DIP2C: variants seen among roughly 807,000 people sequenced by gnomAD.
DIP2C encodes the protein disco-interacting protein 2 homolog C.
In DIP2C, 33 loss-of-function variants were observed where a neutral mutation model predicts 192.4. The ratio of observed to expected loss-of-function variants is 0.17; its 90% CI spans 0.13 to 0.23. The LOEUF (loss-of-function observed/expected upper bound fraction) is 0.23, where lower values mean the gene tolerates loss of function less well. Ranked by LOEUF, DIP2C falls within the 10% of genes least tolerant of loss-of-function variation. The pLI is 1.00. For synonymous variants in DIP2C, 979 were observed against 864.1 expected, an observed-to-expected ratio of 1.13 and a Z score of -2.33; for missense variants, 1,537 against 2,110.1, an observed-to-expected ratio of 0.73 and a Z score of 5.32.
intron 6 of DIP2C, among the ~76,000 whole-genome samples, 194 bp downstream of exon 6, chr10:418,871 G>C (rs569909988): frequency 6.6e-6 from 1 of 152,212 alleles, no homozygotes; most frequent in Non-Finnish European, 1.5e-5. Context: ...AGGAATAACT[G>C]TGGGCTCACT....
Position 440,964 on chromosome 10 carries a change from C to T in DIP2C, c.301G>A (p.Ala101Thr). 1 of 1,613,582 alleles carries T rather than the reference C, an allele frequency of 6.2e-7. No individual in the cohort carries two copies. Among genetic ancestry groups the T allele is most frequent in the Non-Finnish European group, 8.5e-7 (1 of 1,179,986 alleles). ...GCCATCTTCCGCTCTTTGTGTTTGG[C>T]CAGAGCCGCCTGGACAGCTTCCGTG... is the stretch of plus-strand genomic sequence containing the variant. Reference protein sequence around the residue: ...VHTEAVQAALAKHKERKMAVP... With the variant: ...VHTEAVQAALTKHKERKMAVP... The change falls in exon 4 of 37, where the codon GCC (alanine) becomes ACC (threonine). Residue 101 changes from alanine (A) to threonine (T), a missense_variant. By Grantham distance (58) the Ala-to-Thr change is moderately conservative (BLOSUM62 0). Around this residue, in one of 4 missense-constraint regions of DIP2C, gnomAD observed 473 missense variants for 539.6 expected, o/e 0.88. Coordinates refer to ENST00000280886, the MANE Select transcript of DIP2C (RefSeq NM_014974.3).
At chr10:549,815 T>TA (rs1848494717) in intron 1 of DIP2C, among the ~76,000 whole-genome samples, 2 of 152,106 alleles carry the variant, frequency 1.3e-5, no homozygotes, top group Non-Finnish European at 2.9e-5. Flanking sequence ...CACTAGTCAC[T>TA]AATTCACATA....
In DIP2C at chr10:413,963, C is replaced by T; in HGVS notation, c.1007G>A (p.Cys336Tyr). The T allele has an allele frequency of 6.2e-7, 1 of 1,614,200 alleles. No homozygotes were observed. Among genetic ancestry groups the T allele is most frequent in the South Asian group, 1.1e-5 (1 of 91,086 alleles). ...CCCGTTGGTGTCCATGGTGGTCAGG[C>T]AGGGCGCCTTGGGCGAGATGGTGCC... ...RWGTISPKAP[C>Y]LTTMDTNGKP... Residue 336 changes from cysteine (C) to tyrosine (Y), a missense_variant, in exon 8 of 37, where the codon TGC becomes TAC. This residue lies in a region of DIP2C where 473 missense variants were observed against 539.6 expected (regional missense o/e 0.88). Coordinates refer to ENST00000280886, the MANE Select transcript of DIP2C (RefSeq NM_014974.3).
chr10:550,821 G>T (rs553264872), intron 1 of DIP2C, among the ~76,000 whole-genome samples: 1 of 152,366 alleles, frequency 6.6e-6, no homozygotes, highest in African/African-American at 2.4e-5. Context: ...AGCAAGAAGA[G>T]GGATGCTCCA....
intron 10 of DIP2C, among the ~76,000 whole-genome samples, chr10:393,039 G>T (rs138902405): frequency 6.6e-6 from 1 of 152,208 alleles, no homozygotes; most frequent in Non-Finnish European, 1.5e-5. Flanking sequence ...GCTGCACCTG[G>T]ACTAGTGGCT....
intron 17 of DIP2C, among the ~76,000 whole-genome samples, chr10:371,034 C>T (rs930820094): frequency 1.3e-5 from 2 of 152,158 alleles, no homozygotes; most frequent in African/African-American, 2.4e-5. Context: ...CTAGATAGGG[C>T]GAGCTCAGAT....
Position 308,823 on chromosome 10 carries a change from C to T in DIP2C, c.3986+1208G>A, listed in dbSNP as rs560059033. On this transcript the variant is annotated intron_variant, in intron 32 of 36. Coordinates refer to ENST00000280886, the MANE Select transcript of DIP2C (RefSeq NM_014974.3). ...AGCCACAGGGCCAGGCATGCATCTA[C>T]GAGTGTGAACCGTCAGGGCGGGCGT... Among the ~76,000 whole-genome samples the T allele has an allele frequency of 7.2e-5, 11 of 152,340 alleles. No individual in the cohort carries two copies. In the East Asian group the frequency reaches 7.7e-4, roughly 11 times the overall value.
At chr10:673,262 G>A (rs917370122) in intron 1 of DIP2C, among the ~76,000 whole-genome samples, 1 of 152,126 alleles carries the variant, frequency 6.6e-6, no homozygotes, top group Non-Finnish European at 1.5e-5. Context: ...AATGTTCCAG[G>A]AAACCAAAGA....
chr10:365,036 A>G (rs772223990), intron 19 of DIP2C: 5 of 529,754 alleles, frequency 9.4e-6, no homozygotes, highest in South Asian at 1.4e-5. Context: ...AAAGAAAAAT[A>G]TTAAGGAAGC....
intron 4 of DIP2C, among the ~76,000 whole-genome samples, chr10:429,232 C>G (rs1384391647): frequency 1.4e-4 from 12 of 83,892 alleles, no homozygotes; most frequent in African/African-American, 5.4e-4. Context: ...CTGCCTCCCC[C>G]CCGGACCCTG....
chr10:611,102 T>C (rs913429929), intron 1 of DIP2C, among the ~76,000 whole-genome samples: 5 of 151,996 alleles, frequency 3.3e-5, no homozygotes, highest in African/African-American at 1.2e-4. Flanking sequence ...GACTGACTCA[T>C]GAGGGAGGTT....
intron 24 of DIP2C, among the ~76,000 whole-genome samples, chr10:355,583 C>G (rs1489255374): frequency 6.6e-6 from 1 of 152,176 alleles, no homozygotes; most frequent in East Asian, 1.9e-4. Flanking sequence ...TAGTAACAAG[C>G]ATATTAAGAT....
chr10:550,006 C>CTTTTTT (rs11461177), intron 1 of DIP2C, among the ~76,000 whole-genome samples: 5 of 134,774 alleles, frequency 3.7e-5, no homozygotes, highest in Non-Finnish European at 6.3e-5. Context: ...GGACGTGTAG[C>CTTTTTT]TTTTTTTTTT....
At chr10:405,407 A>G (rs1183932834) in intron 9 of DIP2C, among the ~76,000 whole-genome samples, 10 of 152,282 alleles carry the variant, frequency 6.6e-5, no homozygotes, top group Admixed American at 5.9e-4. Flanking sequence ...AAAGCAGAAT[A>G]TAAAATTGTA....
chr10:649,341 G>A (rs1327820052), intron 1 of DIP2C, among the ~76,000 whole-genome samples: 1 of 144,616 alleles, frequency 6.9e-6, no homozygotes, highest in Non-Finnish European at 1.5e-5. Flanking sequence ...TGGTGGGAGA[G>A]AACAGGGAAA....
intron 1 of DIP2C, among the ~76,000 whole-genome samples, chr10:543,893 C>T (rs998213754): frequency 4.1e-5 from 6 of 145,836 alleles, no homozygotes; most frequent in African/African-American, 1.7e-4. Flanking sequence ...ACCTTGAATC[C>T]ATTAAGAGTC....
At chr10:647,255 G>A (rs1003766578) in intron 1 of DIP2C, among the ~76,000 whole-genome samples, 16 of 150,448 alleles carry the variant, frequency 1.1e-4, no homozygotes, top group Admixed American at 5.9e-4. Context: ...CTGAGTCCAC[G>A]TCCACATTGG....
chr10:627,212 C>T (rs1354414879), intron 1 of DIP2C, among the ~76,000 whole-genome samples: 1 of 152,214 alleles, frequency 6.6e-6, no homozygotes, highest in Non-Finnish European at 1.5e-5. Flanking sequence ...GGCCCTCAGG[C>T]CCCCGAAGCT....
intron 1 of DIP2C, among the ~76,000 whole-genome samples, chr10:583,428 T>C (rs1002502366): frequency 2.0e-5 from 3 of 152,254 alleles, no homozygotes; most frequent in African/African-American, 7.2e-5. Context: ...TAAGGTCCTT[T>C]ACGGAAGGTT....
Sources: gnomAD v4.1 joint callset for allele counts (sites outside exome capture counted in the v4.1 genomes callset) on GRCh38, gnomAD v4.1.1 for gene constraint, gnomAD v4.1.1 regional missense constraint, MANE v1.5 for transcripts, NCBI Gene and HGNC (gene_info 2026-07-23, HGNC 2026-07-21) for gene names.